Variants in ABLIM2 observed in about 807,000 individuals in gnomAD.
ABLIM2 encodes the protein actin binding LIM protein family member 2.
A neutral mutation model predicts 97.7 loss-of-function variants in ABLIM2; 53 were observed. The ratio of observed to expected loss-of-function variants is 0.54; its 90% confidence interval spans 0.44 to 0.68. ABLIM2 has a LOEUF of 0.68. Ranked by LOEUF, ABLIM2 falls within the 30% of genes least tolerant of loss-of-function variation. The probability of loss-of-function intolerance (pLI) is 0.00; values close to 1 mark genes in which losing one functional copy is unlikely to be tolerated. For synonymous variants in ABLIM2, 361 were observed against 345.8 expected (o/e 1.04, Z -0.49); for missense variants, 835 against 867.2 (o/e 0.96, Z 0.47).
rs1815398557 is a variant in ABLIM2, at chr4:8,075,453, G to T, written c.675+2175C>A. Among the ~76,000 whole-genome samples, 1 of 152,160 alleles carries T rather than the reference G, an allele frequency of 6.6e-6. No individual in the cohort carries two copies. The highest frequency in any genetic ancestry group is 2.1e-4 in the South Asian group (1 of 4,822). The stretch of plus-strand genomic sequence containing the variant: ...CACACCTGTAATCCCAGCACTTTGG[G>T]CGGTGAAGGCAGGTGAATTGCTTAA... On this transcript the variant is annotated intron_variant, in intron 6 of 20. Transcript: ENST00000447017. The surrounding 1 kb of genome is among the most constrained non-coding windows in gnomAD (Gnocchi z 4.4).
intron 1 of ABLIM2, among the ~76,000 whole-genome samples, chr4:8,152,278 C>T (rs913329876): frequency 4.6e-5 from 7 of 152,248 alleles, no homozygotes; most frequent in African/African-American, 1.2e-4. Context: ...ACGCGTGTTG[C>T]GGCTGAGTCG....
Position 8,069,962 on chromosome 4 carries a change from A to G in ABLIM2, c.675+7666T>C, listed in dbSNP as rs536643649. ...TCCATGTGTGTTGTTTGTGTGCCTA[A>G]GCGTGCTGTCTGCACGTCTTGTATG... On this transcript the variant is annotated intron_variant, in intron 6 of 20. Transcript: ENST00000447017. The surrounding 1 kb of genome is among the most constrained non-coding windows in gnomAD (Gnocchi z 4.2). Among the ~76,000 whole-genome samples the G allele has an allele frequency of 4.7e-5, 7 of 150,396 alleles. No individual in the cohort carries two copies. Among genetic ancestry groups the G allele is most frequent in the African/African-American group, 9.8e-5 (4 of 40,794 alleles).
chr4:7,988,082 G>A (rs1745826325), intron 17 of ABLIM2, among the ~76,000 whole-genome samples: 1 of 152,204 alleles, frequency 6.6e-6, no homozygotes, highest in Non-Finnish European at 1.5e-5. Flanking sequence ...GGAGTGCAGT[G>A]GTGTGATCTC....
intron 1 of ABLIM2, among the ~76,000 whole-genome samples, chr4:8,107,914 C>G (rs1208920540): frequency 6.6e-6 from 1 of 152,148 alleles, no homozygotes; most frequent in Non-Finnish European, 1.5e-5. Context: ...GGAGATGACA[C>G]ATTGCTGGCT....
chr4:7,967,810 G>A (rs1010899892), intron 20 of ABLIM2, among the ~76,000 whole-genome samples: 6 of 152,220 alleles, frequency 3.9e-5, no homozygotes, highest in African/African-American at 1.2e-4. Flanking sequence ...GTCCCCTAGA[G>A]CCCACACCCT....
chr4:7,992,919 A>G lies in ABLIM2; in HGVS notation c.1627T>C (p.Tyr543His). Residue 543 changes from tyrosine to histidine, a missense_variant, in exon 17 of 21, where the codon TAT (tyrosine) becomes CAT (histidine). Tyr to His is a moderately conservative substitution (Grantham distance 83, BLOSUM62 2). Transcript: ENST00000447017. This position sits in a 1 kb window ranked among gnomAD's most constrained non-coding sequence, Gnocchi z 5.7. ...CCTGGGAGAGGGTCAGATTTGGAAT[A>G]GGGGAATCCTGAAACAGACACAGCA... ...AGDSFHSRFP[Y>H]SKSDPLPGHG... The G allele has an allele frequency of 6.2e-7, 1 of 1,612,978 alleles. No individual in the cohort carries two copies. Among genetic ancestry groups the G allele is most frequent in the East Asian group, 2.2e-5 (1 of 44,878 alleles).
intron 3 of ABLIM2, among the ~76,000 whole-genome samples, chr4:8,088,752 C>T (rs1180194275): frequency 6.6e-6 from 1 of 152,230 alleles, no homozygotes; most frequent in Non-Finnish European, 1.5e-5. Context: ...ATAGGCATGC[C>T]TCATGAGTAA....
rs754885075 is a variant in ABLIM2, at chr4:8,054,179, G to A, written c.822+9C>T. 2.5e-6 allele frequency: 4 copies of A among 1,613,888 alleles called. No homozygotes were observed. The highest frequency in any genetic ancestry group is 1.7e-5 in the Admixed American group (1 of 60,008). ...GGGTACATCAGAGACACCAGTGAAT[G>A]CCACCAACCTTGTTTCTGTCTTCAG... On this transcript the variant is annotated intron_variant, in intron 8 of 20. Coordinates refer to ENST00000447017, the MANE Select transcript of ABLIM2 (RefSeq NM_001130083.2). The surrounding 1 kb of genome is among the most constrained non-coding windows in gnomAD (Gnocchi z 4.9).
intron 7 of ABLIM2, among the ~76,000 whole-genome samples, chr4:8,055,346 A>G (rs1231345353): frequency 4.7e-5 from 7 of 149,906 alleles, no homozygotes; most frequent in African/African-American, 1.5e-4. Context: ...CACTGTGCTC[A>G]CACACCCAGC....
intron 14 of ABLIM2, among the ~76,000 whole-genome samples, chr4:8,011,855 AT>A (rs957021110): frequency 4.6e-5 from 7 of 151,654 alleles, no homozygotes; most frequent in African/African-American, 9.7e-5. Context: ...GAGGTCTCAA[AT>A]TTTTTTTTCT....
Position 8,113,054 on chromosome 4 carries a change from G to C in ABLIM2, c.11-6417C>G, listed in dbSNP as rs192740573. Among the ~76,000 whole-genome samples the C allele has an allele frequency of 6.6e-6, 1 of 152,182 alleles. No individual in the cohort carries two copies. Among genetic ancestry groups the C allele is most frequent in the Non-Finnish European group, 1.5e-5 (1 of 68,026 alleles). On this transcript the variant is annotated intron_variant, in intron 1 of 20. Coordinates refer to ENST00000447017, the MANE Select transcript of ABLIM2 (RefSeq NM_001130083.2). The surrounding 1 kb of genome is among the most constrained non-coding windows in gnomAD (Gnocchi z 4.5). Reference sequence around the variant, plus strand: ...TTCTGTCCAGCGAACCAGCTCTCACGACCCAGACAGCAGAGTCCTCATCAT... The same window carrying C: ...TTCTGTCCAGCGAACCAGCTCTCACCACCCAGACAGCAGAGTCCTCATCAT...
rs558062417 is a variant in ABLIM2 at position 8,019,638 on chromosome 4, G to T, written c.1403C>A (p.Pro468His). Residue 468 changes from proline to histidine, a missense_variant, in exon 14 of 21, where the codon CCC becomes CAC. By Grantham distance (77) the Pro-to-His change is moderately conservative. Transcript: ENST00000447017. This position sits in a 1 kb window ranked among gnomAD's most constrained non-coding sequence, Gnocchi z 4.3. Reference protein sequence around the residue: ...TGVKDNIYRKPPIYRQHAARR... With the variant: ...TGVKDNIYRKHPIYRQHAARR... ...CGTACCATGCTGTCTGTAGATAGGG[G>T]GTTTCCTATAGATGTTATCTTTTAC... The T allele has an allele frequency of 1.2e-6, 2 of 1,612,478 alleles. No homozygotes were observed. Among genetic ancestry groups the T allele is most frequent in the Non-Finnish European group, 8.5e-7 (1 of 1,179,394 alleles).
intron 2 of ABLIM2, among the ~76,000 whole-genome samples, chr4:8,102,058 T>C (rs1462697879): frequency 3.3e-5 from 5 of 152,184 alleles, no homozygotes; most frequent in Non-Finnish European, 7.3e-5. Flanking sequence ...CACCCAGAGA[T>C]CCATGGAAAC....
At chr4:8,052,504 C>T (rs1796655525) in intron 8 of ABLIM2, among the ~76,000 whole-genome samples, 1 of 152,250 alleles carries the variant, frequency 6.6e-6, no homozygotes. Flanking sequence ...AGCGGGATTT[C>T]ATCGCGTGAC....
At chr4:8,118,820 C>A (rs766965941) in intron 1 of ABLIM2, among the ~76,000 whole-genome samples, 1 of 152,224 alleles carries the variant, frequency 6.6e-6, no homozygotes, top group African/African-American at 2.4e-5. Flanking sequence ...CCCTCTGTAC[C>A]GACAGCGTAT....
chr4:8,154,088 G>A (rs1714209114), intron 1 of ABLIM2, among the ~76,000 whole-genome samples: 1 of 149,682 alleles, frequency 6.7e-6, no homozygotes, highest in African/African-American at 2.5e-5. Flanking sequence ...TCAGCCTCCC[G>A]AGTAGCTGGG....
intron 15 of ABLIM2, 129 bp downstream of exon 15, chr4:8,008,921 T>C: frequency 9.6e-7 from 1 of 1,046,764 alleles, no homozygotes; most frequent in East Asian, 2.4e-5. Context: ...CTCCTACCTT[T>C]GGCCTCGCAG....
intron 1 of ABLIM2, among the ~76,000 whole-genome samples, chr4:8,107,286 C>T (rs1364484011): frequency 6.6e-6 from 1 of 152,234 alleles, no homozygotes; most frequent in African/African-American, 2.4e-5. Flanking sequence ...CTCCCGGGGA[C>T]CGGGCAGGGG....
Position 8,132,569 on chromosome 4 carries a change from A to G in ABLIM2, c.11-25932T>C, listed in dbSNP as rs1312462322. On this transcript the variant is annotated intron_variant, in intron 1 of 20. Coordinates refer to ENST00000447017, the MANE Select transcript of ABLIM2 (RefSeq NM_001130083.2). This position sits in a 1 kb window ranked among gnomAD's most constrained non-coding sequence, Gnocchi z 8.0. ...GGGATGCTCCAGGCACCTCACGGTC[A>G]GAAAACAGAATGCGGAAGGCCTGCT... 1.3e-5 allele frequency among the ~76,000 whole-genome samples: 2 copies of G among 152,144 alleles called. No individual in the cohort carries two copies. Among genetic ancestry groups the G allele is most frequent in the African/African-American group, 4.8e-5 (2 of 41,436 alleles).
Sources: allele counts gnomAD v4.1 joint callset (sites outside exome capture counted in the v4.1 genomes callset), GRCh38; gene constraint gnomAD v4.1.1; non-coding constraint Gnocchi (gnomAD v3.1); transcripts MANE v1.5; gene names NCBI Gene and HGNC (gene_info 2026-07-23, HGNC 2026-07-21).